Variants in HUNK observed in about 807,000 individuals in gnomAD.
HUNK encodes the protein hormonally up-regulated neu tumor-associated kinase.
A neutral mutation model predicts 61.0 loss-of-function variants in HUNK; 21 were observed. That is an observed-to-expected ratio of 0.34 (90% confidence interval 0.24 to 0.50). HUNK has a LOEUF of 0.50. Ranked by LOEUF, HUNK falls within the 20% of genes least tolerant of loss-of-function variation. The probability of loss-of-function intolerance (pLI) is 0.98; values close to 1 mark genes in which losing one functional copy is unlikely to be tolerated. For synonymous variants in HUNK, 371 were observed against 386.1 expected (o/e 0.96, Z 0.46); for missense variants, 772 against 945.7 (o/e 0.82, Z 2.41).
intron 1 of HUNK, among the ~76,000 whole-genome samples, chr21:31,923,511 G>GAGGGAAGGAGGGAGGA (rs1294685568): frequency 7.8e-6 from 1 of 128,882 alleles, no homozygotes; most frequent in African/African-American, 2.7e-5. Flanking sequence ...GGGAGGGAGA[G>GAGGGAAGGAGGGAGGA]AGGGAAGGAG....
intron 6 of HUNK, among the ~76,000 whole-genome samples, chr21:31,968,713 C>T (rs11088196): frequency 0.4 from 36,584 of 92,264 alleles, 4,945 homozygotes; most frequent in African/African-American, 0.42. Flanking sequence ...AGCTGTGGCC[C>T]GAGTGTGTGT....
chr21:31,954,215 A>G (rs1207602321), intron 4 of HUNK, among the ~76,000 whole-genome samples: 1 of 152,164 alleles, frequency 6.6e-6, no homozygotes, highest in East Asian at 1.9e-4. Flanking sequence ...AGGCATCTGC[A>G]CTATACGACA....
At chr21:31,933,049 G>A (rs2052709141) in intron 2 of HUNK, among the ~76,000 whole-genome samples, 1 of 151,660 alleles carries the variant, frequency 6.6e-6, no homozygotes, top group Admixed American at 6.6e-5. Context: ...GCCTGTAGCT[G>A]AGACTACAGG....
intron 7 of HUNK, 53 bp downstream of exon 7, chr21:31,974,770 C>G (rs1601405917): frequency 2.0e-6 from 3 of 1,502,498 alleles, no homozygotes; most frequent in Non-Finnish European, 2.7e-6. Context: ...AAAAAGAGCT[C>G]CTACACCCAA....
intron 7 of HUNK, among the ~76,000 whole-genome samples, chr21:31,979,031 T>C (rs2053071643): frequency 1.3e-5 from 2 of 152,184 alleles, no homozygotes; most frequent in Non-Finnish European, 2.9e-5. Flanking sequence ...CTTACAGATG[T>C]GAGGCAGTAT....
intron 4 of HUNK, among the ~76,000 whole-genome samples, chr21:31,956,029 G>C (rs2052887501): frequency 6.6e-6 from 1 of 152,204 alleles, no homozygotes; most frequent in Admixed American, 6.5e-5. Flanking sequence ...GCATGAACCT[G>C]CTGGTGTATA....
At chr21:31,889,877 C>T (rs546303784) in intron 1 of HUNK, among the ~76,000 whole-genome samples, 117 of 152,252 alleles carry the variant, frequency 7.7e-4, no homozygotes, top group Non-Finnish European at 5.4e-4. Context: ...AGTGTTCAGA[C>T]TTAGAATTAT....
At chr21:31,981,449 A>G (rs2053097046) in intron 7 of HUNK, among the ~76,000 whole-genome samples, 1 of 151,636 alleles carries the variant, frequency 6.6e-6, no homozygotes, top group Admixed American at 6.6e-5. Context: ...ATTGCTTAGT[A>G]TAGTATGGAC....
At chr21:31,967,924 C>A (rs900483297) in intron 5 of HUNK, among the ~76,000 whole-genome samples, 1 of 152,158 alleles carries the variant, frequency 6.6e-6, no homozygotes, top group Non-Finnish European at 1.5e-5. Context: ...AATGGGGAGA[C>A]CCAAACTGGT....
At chr21:31,885,609 G>A (rs939398785) in intron 1 of HUNK, among the ~76,000 whole-genome samples, 3 of 152,212 alleles carry the variant, frequency 2.0e-5, no homozygotes, top group African/African-American at 4.8e-5. Flanking sequence ...TCCTTCTGAG[G>A]CTTGTGCAGG....
rs181164987 is a variant in HUNK, at chr21:31,934,765, T to A, written c.555-5400T>A. On this transcript the variant is annotated intron_variant, in intron 2 of 10. Transcript: ENST00000270112. ...ACAAGGAAGAACATGCAATATTTGA[T>A]TTTTTTTTTCTTTGTTAATTTGCTC... 2.8e-3 allele frequency among the ~76,000 whole-genome samples: 418 copies of A among 150,400 alleles called. 4 individuals carry two copies. Among genetic ancestry groups the A allele is most frequent in the African/African-American group, 9.7e-3 (395 of 40,816 alleles).
At chr21:31,955,957 C>G (rs1470530123) in intron 4 of HUNK, among the ~76,000 whole-genome samples, 1 of 152,218 alleles carries the variant, frequency 6.6e-6, no homozygotes, top group Non-Finnish European at 1.5e-5. Context: ...TCAATTCACT[C>G]CAACTCTGTT....
intron 2 of HUNK, among the ~76,000 whole-genome samples, chr21:31,935,580 T>A (rs11910287): frequency 1.6e-4 from 25 of 152,076 alleles, no homozygotes; most frequent in African/African-American, 6.0e-4. Flanking sequence ...TTTTTCCCTC[T>A]CACACCCCAA....
At chr21:31,968,553 C>T (rs907908506) in intron 6 of HUNK, among the ~76,000 whole-genome samples, 168 bp downstream of exon 6, 32 of 152,174 alleles carry the variant, frequency 2.1e-4, no homozygotes, top group African/African-American at 5.5e-4. Flanking sequence ...CAAGAGGAAG[C>T]GTAGACAGGG....
At chr21:31,948,801 A>G (rs1211649615) in intron 4 of HUNK, among the ~76,000 whole-genome samples, 1 of 152,192 alleles carries the variant, frequency 6.6e-6, no homozygotes, top group Non-Finnish European at 1.5e-5. Flanking sequence ...TCAAGGCTCT[A>G]GAAGCGAGAT....
intron 9 of HUNK, 42 bp from the exon 10 acceptor site, chr21:31,995,726 C>G: frequency 1.3e-6 from 2 of 1,515,588 alleles, no homozygotes; most frequent in Non-Finnish European, 1.8e-6. Context: ...ATTGTGTCTT[C>G]TAGTATGTGT....
chr21:31,979,556 T>C (rs1228186970), intron 7 of HUNK, among the ~76,000 whole-genome samples: 2 of 131,454 alleles, frequency 1.5e-5, no homozygotes, highest in African/African-American at 2.9e-5. Context: ...GATGGAGTCT[T>C]GCTCTGTCAC....
rs1401653544 is a variant in HUNK, at chr21:31,924,378, C to A, written c.262-90C>A. The A allele has an allele frequency of 1.2e-5, 14 of 1,168,044 alleles. No individual in the cohort carries two copies. The highest frequency in any genetic ancestry group is 1.7e-5 in the Non-Finnish European group (14 of 826,778). 72.4% of individuals were successfully genotyped at this position (1,168,044 alleles called of 1,614,324 possible). A position where few individuals can be genotyped will look rare whatever the true frequency, so the allele number is the denominator to read the frequency against. On this transcript the variant is annotated intron_variant, in intron 1 of 10. Transcript: ENST00000270112. This position sits in a 1 kb window ranked among gnomAD's most constrained non-coding sequence, Gnocchi z 5.1. ...GTGTTTCTCCTCTGCAGAGACATAG[C>A]TAGCATTTTTCTTGGGTTCCTGTGA...
chr21:31,921,154 C>CAAAAAAAAAAA (rs751938845), intron 1 of HUNK, among the ~76,000 whole-genome samples: 1 of 39,374 alleles, frequency 2.5e-5, no homozygotes, highest in South Asian at 1.3e-3. Flanking sequence ...GATTCCATCT[C>CAAAAAAAAAAA]AAAAAAAAAA....
Sources: allele counts gnomAD v4.1 joint callset (sites outside exome capture counted in the v4.1 genomes callset), GRCh38; gene constraint gnomAD v4.1.1; non-coding constraint Gnocchi (gnomAD v3.1); transcripts MANE v1.5; gene names NCBI Gene and HGNC (gene_info 2026-07-23, HGNC 2026-07-21).